ARHGAP15: variants seen among roughly 807,000 people sequenced by gnomAD.
ARHGAP15 encodes the protein rho GTPase-activating protein 15.
ARHGAP15 carries 51 observed loss-of-function variants against 63.7 expected under a neutral mutation model. That is an observed-to-expected ratio of 0.80 (90% confidence interval 0.64 to 1.01). ARHGAP15 has a LOEUF of 1.01. ARHGAP15 is among the 50% of genes least tolerant of loss of function. The pLI is 0.00. For missense variants in ARHGAP15, 560 were observed against 564.6 expected (o/e 0.99, Z 0.08); for synonymous variants, 191 against 193.8 (o/e 0.99, Z 0.12).
intron 5 of ARHGAP15, among the ~76,000 whole-genome samples, chr2:143,231,581 A>G (rs1184692230): frequency 1.3e-5 from 2 of 152,210 alleles, no homozygotes; most frequent in Non-Finnish European, 2.9e-5. Flanking sequence ...TTCACATTTA[A>G]TACAGCATGT....
intron 6 of ARHGAP15, among the ~76,000 whole-genome samples, chr2:143,399,008 T>C (rs1687887457): frequency 6.6e-6 from 1 of 152,080 alleles, no homozygotes; most frequent in African/African-American, 2.4e-5. Flanking sequence ...GCTTATGCCA[T>C]CTCAGGTTGG....
intron 1 of ARHGAP15, among the ~76,000 whole-genome samples, chr2:143,132,786 A>G (rs966010977): frequency 6.6e-6 from 1 of 152,246 alleles, no homozygotes; most frequent in Non-Finnish European, 1.5e-5. Flanking sequence ...TTAAACAGTC[A>G]TTATTTCCCA....
At chr2:143,141,210 T>C (rs1370282201) in intron 1 of ARHGAP15, among the ~76,000 whole-genome samples, 1 of 152,054 alleles carries the variant, frequency 6.6e-6, no homozygotes. Context: ...CATTCTAATC[T>C]TGGTGGCAAA....
intron 9 of ARHGAP15, among the ~76,000 whole-genome samples, chr2:143,509,871 A>C (rs1364859060): frequency 6.6e-6 from 1 of 151,966 alleles, no homozygotes; most frequent in East Asian, 1.9e-4. Context: ...AAATACAAAA[A>C]TTAGCTGGGT....
intron 6 of ARHGAP15, among the ~76,000 whole-genome samples, chr2:143,393,728 A>T (rs1172068835): frequency 1.1e-3 from 17 of 15,760 alleles, no homozygotes; most frequent in African/African-American, 5.3e-3. Context: ...ACTCTGTCTA[A>T]AAAAAAAAAA....
Position 143,767,782 on chromosome 2 carries a change from G to C in ARHGAP15, c.1245-207G>C, listed in dbSNP as rs370537303. On this transcript the variant is annotated intron_variant, in intron 13 of 13. Coordinates refer to ENST00000295095, the MANE Select transcript of ARHGAP15 (RefSeq NM_018460.4). ...TACCCACAATGCTCAGCTATTATGG[G>C]GGTAAAAAGTTGGACAAGGCAATGT... Among the ~76,000 whole-genome samples, 27 of 152,170 alleles carry C rather than the reference G, an allele frequency of 1.8e-4. 1 individual carries two copies. Among genetic ancestry groups the C allele is most frequent in the South Asian group, 1.5e-3 (7 of 4,818 alleles).
At chr2:143,173,258 T>C (rs1690872334) in intron 2 of ARHGAP15, among the ~76,000 whole-genome samples, 1 of 152,084 alleles carries the variant, frequency 6.6e-6, no homozygotes, top group Admixed American at 6.6e-5. Flanking sequence ...GGATATAATT[T>C]ATAATCATAT....
chr2:143,367,009 T>C (rs1686323446), intron 6 of ARHGAP15, among the ~76,000 whole-genome samples: 1 of 152,150 alleles, frequency 6.6e-6, no homozygotes, highest in South Asian at 2.1e-4. Flanking sequence ...TGCAATTGGC[T>C]CTAAAAATGT....
At chr2:143,410,810 AG>A (rs1688408187) in intron 6 of ARHGAP15, among the ~76,000 whole-genome samples, 2 of 108,300 alleles carry the variant, frequency 1.8e-5, no homozygotes, top group East Asian at 2.3e-4. Context: ...AAGGAGGTGA[AG>A]GTTTTTTTTT....
intron 4 of ARHGAP15, 64 bp downstream of exon 4, chr2:143,216,509 C>T: frequency 8.0e-7 from 1 of 1,245,800 alleles, no homozygotes; most frequent in Non-Finnish European, 1.2e-6. Context: ...TAAACTTGTG[C>T]CACTGTTATT....
intron 10 of ARHGAP15, among the ~76,000 whole-genome samples, chr2:143,536,449 TG>T (rs1232490538): frequency 6.6e-6 from 1 of 151,968 alleles, no homozygotes; most frequent in African/African-American, 2.4e-5. Flanking sequence ...TGTGTACATG[TG>T]CCATGTTGGG....
At chr2:143,682,790 T>C (rs1574834670) in intron 12 of ARHGAP15, 1 of 152,296 alleles carries the variant, frequency 6.6e-6, no homozygotes, top group Non-Finnish European at 1.5e-5. Context: ...TCATAGCACC[T>C]AGATGGATCC....
intron 12 of ARHGAP15, among the ~76,000 whole-genome samples, chr2:143,670,129 A>G (rs977996618): frequency 3.3e-5 from 5 of 152,120 alleles, no homozygotes; most frequent in Admixed American, 2.0e-4. Context: ...TGAAAACTCT[A>G]AGAATCAGAC....
chr2:143,522,075 G>A (rs973111814), intron 10 of ARHGAP15: 1 of 152,146 alleles, frequency 6.6e-6, no homozygotes, highest in Admixed American at 6.5e-5. Context: ...CCCTGGTAAA[G>A]TGATATTAGT....
At chr2:143,155,958 A>G (rs752728962) in intron 2 of ARHGAP15, among the ~76,000 whole-genome samples, 12 of 151,688 alleles carry the variant, frequency 7.9e-5, no homozygotes, top group Non-Finnish European at 1.6e-4. Flanking sequence ...TTATGCTAGC[A>G]TGTGGTGTTT....
At chr2:143,319,642 T>G (rs1558889700) in intron 6 of ARHGAP15, among the ~76,000 whole-genome samples, 1 of 152,334 alleles carries the variant, frequency 6.6e-6, no homozygotes, top group Admixed American at 6.5e-5. Context: ...CTACTTATTT[T>G]ATGAAACTCT....
chr2:143,267,575 A>G (rs1681059219), intron 6 of ARHGAP15, among the ~76,000 whole-genome samples: 1 of 152,218 alleles, frequency 6.6e-6, no homozygotes, highest in Non-Finnish European at 1.5e-5. Flanking sequence ...GGTGACAAAA[A>G]TGAGGTAAGG....
At chr2:143,452,884 G>A (rs1690472491) in intron 8 of ARHGAP15, among the ~76,000 whole-genome samples, 1 of 151,830 alleles carries the variant, frequency 6.6e-6, no homozygotes, top group Non-Finnish European at 1.5e-5. Context: ...ATAAGCATAA[G>A]CTTTCCCATT....
intron 10 of ARHGAP15, among the ~76,000 whole-genome samples, chr2:143,539,897 T>G (rs940054153): frequency 6.6e-6 from 1 of 152,094 alleles, no homozygotes. Flanking sequence ...CTATTAGGTC[T>G]GCTTGGTGCA....
Sources: allele counts gnomAD v4.1 joint callset (sites outside exome capture counted in the v4.1 genomes callset), GRCh38; gene constraint gnomAD v4.1.1; transcripts MANE v1.5; gene names NCBI Gene and HGNC (gene_info 2026-07-23, HGNC 2026-07-21).